Variants in SPICE1 observed in about 807,000 individuals in gnomAD.
SPICE1 encodes spindle and centriole associated protein 1.
In SPICE1, 75 loss-of-function variants were observed where a neutral mutation model predicts 102.7. The ratio of observed to expected loss-of-function variants is 0.73; its 90% confidence interval spans 0.61 to 0.88. SPICE1 has a LOEUF of 0.88. Among genes scored for constraint, SPICE1 ranks in the 40% least tolerant of loss-of-function variants. The probability of loss-of-function intolerance (pLI) is 0.00; values close to 1 mark genes in which losing one functional copy is unlikely to be tolerated. For missense variants in SPICE1, 979 were observed against 1,020.1 expected (o/e 0.96, Z 0.55); for synonymous variants, 308 against 350.3 (o/e 0.88, Z 1.35).
intron 7 of SPICE1, among the ~76,000 whole-genome samples, chr3:113,480,649 T>G (rs1936469059): frequency 6.6e-6 from 1 of 152,056 alleles, no homozygotes; most frequent in Non-Finnish European, 1.5e-5. Flanking sequence ...CTGATAAAAT[T>G]AACACTTATT....
intron 7 of SPICE1, among the ~76,000 whole-genome samples, chr3:113,488,737 T>C (rs941636714): frequency 6.6e-6 from 1 of 152,198 alleles, no homozygotes; most frequent in African/African-American, 2.4e-5. Flanking sequence ...AAAAGAAATG[T>C]GGAAAACATT....
chr3:113,498,702 C>T (rs1936950056), intron 4 of SPICE1, among the ~76,000 whole-genome samples: 4 of 152,136 alleles, frequency 2.6e-5, no homozygotes, highest in South Asian at 2.1e-4. Context: ...TCAAAGCTGC[C>T]GTGAAAGGTC....
chr3:113,504,466 T>C (rs1030728578), intron 2 of SPICE1, among the ~76,000 whole-genome samples: 1 of 151,176 alleles, frequency 6.6e-6, no homozygotes, highest in Admixed American at 6.6e-5. Context: ...TGGTGTGCGC[T>C]TGTAGTCTCA....
In SPICE1 at chr3:113,443,479, G is replaced by A. The variant is rs1425835322; in HGVS notation, c.*1828C>T. ...GGGCTCAGCATCCTCATCTGTAAAG[G>A]TGCTGGGAGAGGAGGAAGCATTTAC... On this transcript the variant is annotated 3_prime_UTR_variant, in exon 18 of 18. Transcript: ENST00000295872. 6.6e-6 allele frequency: 1 copy of A among 152,192 alleles called. No homozygotes were observed. The highest frequency in any genetic ancestry group is 1.5e-5 in the Non-Finnish European group (1 of 68,036). The allele number at this position is 152,192 out of a possible 1,614,324, so 9.4% of individuals were successfully genotyped here.
intron 11 of SPICE1, among the ~76,000 whole-genome samples, chr3:113,465,100 CA>C (rs35595850): frequency 0.49 from 63,697 of 131,140 alleles, 14,243 homozygotes; most frequent in African/African-American, 0.59. Flanking sequence ...GACACCATCT[CA>C]AAAAAAAAAA....
At chr3:113,446,377 T>C (rs192160066) in intron 17 of SPICE1, among the ~76,000 whole-genome samples, 15 of 152,362 alleles carry the variant, frequency 9.8e-5, no homozygotes, top group Middle Eastern at 6.8e-3. Context: ...GAATATCCTA[T>C]TGAATTTTAC....
intron 7 of SPICE1, among the ~76,000 whole-genome samples, chr3:113,484,330 C>T (rs540384948): frequency 2.6e-5 from 4 of 152,130 alleles, no homozygotes; most frequent in African/African-American, 9.6e-5. Flanking sequence ...AAAAAACCAG[C>T]TCCTGGATTC....
intron 7 of SPICE1, among the ~76,000 whole-genome samples, chr3:113,486,214 T>C (rs1442455764): frequency 7.8e-5 from 7 of 89,618 alleles, no homozygotes; most frequent in Non-Finnish European, 9.2e-5. Flanking sequence ...CATTCTCATA[T>C]ATATATATAT....
Position 113,514,919 on chromosome 3 carries a change from C to G in SPICE1, c.-23G>C. ...TACTTGCACTCTCAAAACACAGAGCCGCGGCTGCGCTTCCTGAAGTAAGGA... is the reference window on the plus strand; with the variant it reads ...TACTTGCACTCTCAAAACACAGAGCGGCGGCTGCGCTTCCTGAAGTAAGGA... On this transcript the variant is annotated 5_prime_UTR_variant, in exon 1 of 18. Transcript: ENST00000295872. 1 of 1,136,522 alleles carries G rather than the reference C, an allele frequency of 8.8e-7. No homozygotes were observed. The highest frequency in any genetic ancestry group is 1.1e-6 in the Non-Finnish European group (1 of 901,858). 70.4% of individuals were successfully genotyped at this position (1,136,522 alleles called of 1,614,324 possible).
rs1305624169 is a variant in SPICE1 at position 113,446,676 on chromosome 3, T to C, written c.2427A>G (p.Arg809=). The C allele has an allele frequency of 6.2e-7, 1 of 1,611,064 alleles. No homozygotes were observed. The highest frequency in any genetic ancestry group is 2.2e-5 in the East Asian group (1 of 44,836). The change falls in exon 17 of 18, where the codon AGA becomes AGG. Residue 809 remains arginine, a splice_region_variant and synonymous_variant. Coordinates refer to ENST00000295872, the MANE Select transcript of SPICE1 (RefSeq NM_144718.4). ...VSPVSGINTR[R]SSGATGNSCS... is the part of the protein sequence containing the mutation. ...AAGAATTACCAGTAGCCCCGGAAGA[T>C]CTATTCATGAAAAATAAAACAGAGT...
At chr3:113,447,739 T>C (rs1326528715) in intron 16 of SPICE1, among the ~76,000 whole-genome samples, 1 of 152,170 alleles carries the variant, frequency 6.6e-6, no homozygotes, top group Non-Finnish European at 1.5e-5. Context: ...GAAAATACTA[T>C]TGGTCAATTC....
chr3:113,445,482 T>G, intron 17 of SPICE1, 122 bp from the exon 18 acceptor site: 1 of 709,160 alleles, frequency 1.4e-6, no homozygotes, highest in Non-Finnish European at 2.4e-6. Flanking sequence ...TGAATGGTAC[T>G]GGAAATTAAA....
rs541852907 is a variant in SPICE1 at position 113,506,662 on chromosome 3, C to G, written c.1-57G>C. On this transcript the variant is annotated intron_variant, in intron 1 of 17. Transcript: ENST00000295872. ...ATACAAGAAAAAACAATAAGCATCA[C>G]CAGAGTGGGGGAAGACACCTGAAAA... 2.0e-5 allele frequency: 28 copies of G among 1,387,546 alleles called. No homozygotes were observed. The African/African-American group carries it at 4.0e-4, about 20-fold the overall frequency. 86.0% of individuals were successfully genotyped at this position (1,387,546 alleles called of 1,614,324 possible).
chr3:113,500,442 T>C (rs963281772), intron 3 of SPICE1, among the ~76,000 whole-genome samples: 2 of 152,062 alleles, frequency 1.3e-5, no homozygotes, highest in Admixed American at 6.6e-5. Flanking sequence ...GATTTGAATA[T>C]GGGCTAGGTA....
chr3:113,475,744 C>A (rs1325530299), intron 7 of SPICE1, among the ~76,000 whole-genome samples: 4 of 152,142 alleles, frequency 2.6e-5, no homozygotes, highest in African/African-American at 9.7e-5. Flanking sequence ...ATGCTTCATG[C>A]TAAAAACTCT....
intron 1 of SPICE1, among the ~76,000 whole-genome samples, chr3:113,508,976 G>T (rs1937165479): frequency 1.3e-5 from 2 of 152,118 alleles, no homozygotes; most frequent in South Asian, 4.1e-4. Context: ...TCTTGAAAGG[G>T]TTCTAAACAC....
chr3:113,491,303 T>TC (rs71134892), intron 6 of SPICE1, among the ~76,000 whole-genome samples: 38,139 of 151,960 alleles, frequency 0.25, 5,100 homozygotes, highest in African/African-American at 0.35. Flanking sequence ...CAGTTACAAT[T>TC]CATTTTTTCT....
At chr3:113,492,874 T>C (rs1019670910) in intron 6 of SPICE1, among the ~76,000 whole-genome samples, 3 of 152,206 alleles carry the variant, frequency 2.0e-5, no homozygotes, top group Non-Finnish European at 4.4e-5. Flanking sequence ...TTGAGCCACA[T>C]GGCCTAGATT....
At position 113,506,497 on chromosome 3, in the gene SPICE1, C is replaced by T. The variant is rs1239759790; in HGVS notation, c.99+10G>A. 1.3e-6 allele frequency: 2 copies of T among 1,598,372 alleles called. No individual in the cohort carries two copies. The highest frequency in any genetic ancestry group is 1.7e-6 in the Non-Finnish European group (2 of 1,166,572). On this transcript the variant is annotated intron_variant, in intron 2 of 17. Coordinates refer to ENST00000295872, the MANE Select transcript of SPICE1 (RefSeq NM_144718.4). Reference sequence around the variant, plus strand: ...AATGTTACATTATTTACTATCCCACCTATACTCACATCCCATTCTTGTTTC... The same window carrying T: ...AATGTTACATTATTTACTATCCCACTTATACTCACATCCCATTCTTGTTTC...
Sources: allele counts gnomAD v4.1 joint callset (sites outside exome capture counted in the v4.1 genomes callset), GRCh38; gene constraint gnomAD v4.1.1; transcripts MANE v1.5; gene names NCBI Gene and HGNC (gene_info 2026-07-23, HGNC 2026-07-21).